The following CDH12 variants were observed in gnomAD, a reference collection of about 807,000 sequenced individuals.
CDH12 encodes the protein cadherin 12.
A neutral mutation model predicts 74.1 loss-of-function variants in CDH12; 41 were observed. That is an observed-to-expected ratio of 0.55 (90% CI 0.43 to 0.72). The LOEUF (loss-of-function observed/expected upper bound fraction) is 0.72. CDH12 is among the 30% of genes least tolerant of loss of function. The pLI is 0.00. For missense variants in CDH12, 945 were observed against 977.2 expected (o/e 0.97, Z 0.44); for synonymous variants, 399 against 355.0 (o/e 1.12, Z -1.39).
chr5:22,536,051 C>T (rs1737829002), intron 1 of CDH12, among the ~76,000 whole-genome samples: 1 of 152,096 alleles, frequency 6.6e-6, no homozygotes, highest in African/African-American at 2.4e-5. Flanking sequence ...AGGTTATATG[C>T]AAAAACAATG....
At chr5:22,032,079 T>A (rs1738856983) in intron 5 of CDH12, among the ~76,000 whole-genome samples, 1 of 151,848 alleles carries the variant, frequency 6.6e-6, no homozygotes, top group Admixed American at 6.6e-5. Context: ...TAAAAGGATG[T>A]ATGACAATAT....
chr5:22,625,890 G>A (rs767146606), intron 1 of CDH12, among the ~76,000 whole-genome samples: 6 of 151,888 alleles, frequency 4.0e-5, no homozygotes, highest in Non-Finnish European at 7.4e-5. Context: ...TTGCCTTGCC[G>A]GCACACACTT....
chr5:21,853,621 AT>A (rs1210144838), intron 7 of CDH12, among the ~76,000 whole-genome samples: 1 of 151,666 alleles, frequency 6.6e-6, no homozygotes, highest in African/African-American at 2.4e-5. Flanking sequence ...TTAATACATA[AT>A]TAATTGTTAA....
intron 2 of CDH12, among the ~76,000 whole-genome samples, chr5:22,499,778 G>C (rs1172772256): frequency 6.6e-6 from 1 of 152,134 alleles, no homozygotes; most frequent in East Asian, 1.9e-4. Context: ...ATAAGGCAGT[G>C]TGACTTTCTC....
chr5:22,194,481 G>A (rs1204428511), intron 4 of CDH12, among the ~76,000 whole-genome samples: 5 of 151,532 alleles, frequency 3.3e-5, no homozygotes, highest in Non-Finnish European at 5.9e-5. Flanking sequence ...ACAAGCGTCC[G>A]CCCCCATGCC....
intron 2 of CDH12, among the ~76,000 whole-genome samples, chr5:22,414,143 A>C (rs1743283958): frequency 6.6e-6 from 1 of 152,018 alleles, no homozygotes; most frequent in Non-Finnish European, 1.5e-5. Flanking sequence ...TTCCATAGGC[A>C]AGAATACCTA....
At chr5:22,114,498 A>T (rs1208170396) in intron 4 of CDH12, among the ~76,000 whole-genome samples, 1 of 152,188 alleles carries the variant, frequency 6.6e-6, no homozygotes, top group Non-Finnish European at 1.5e-5. Flanking sequence ...GAAAATGAGT[A>T]TAAAGGGGAT....
At chr5:22,668,815 A>G (rs987054645) in intron 1 of CDH12, among the ~76,000 whole-genome samples, 3 of 152,026 alleles carry the variant, frequency 2.0e-5, no homozygotes, top group Admixed American at 6.6e-5. Context: ...GTCTTTTTCT[A>G]TTGGTCATCT....
At chr5:21,860,137 T>G (rs1222743386) in intron 6 of CDH12, among the ~76,000 whole-genome samples, 1 of 152,058 alleles carries the variant, frequency 6.6e-6, no homozygotes, top group African/African-American at 2.4e-5. Flanking sequence ...AAATGAGTAC[T>G]GTAATTGTCA....
intron 1 of CDH12, among the ~76,000 whole-genome samples, chr5:22,545,762 TTTTA>T (rs1441709855): frequency 4.6e-5 from 7 of 152,214 alleles, no homozygotes; most frequent in Admixed American, 3.3e-4. Flanking sequence ...TATTTTTCTC[TTTTA>T]TTTGACACCT....
intron 1 of CDH12, among the ~76,000 whole-genome samples, chr5:22,742,817 T>A (rs1051391474): frequency 2.6e-5 from 4 of 151,736 alleles, no homozygotes; most frequent in Non-Finnish European, 5.9e-5. Context: ...CATTCCACTA[T>A]GTGGTGGTTA....
At position 22,468,568 on chromosome 5, in the gene CDH12, C is replaced by A. The variant is rs546789207; in HGVS notation, c.-428+36702G>T. ...CTTCTTGAGAATAGCATTTATTTGACTTTTATAAAAACATTGTATACTAAG... is the reference window on the plus strand; with the variant it reads ...CTTCTTGAGAATAGCATTTATTTGAATTTTATAAAAACATTGTATACTAAG... On this transcript the variant is annotated intron_variant, in intron 2 of 14. Transcript: ENST00000382254. Among the ~76,000 whole-genome samples the A allele has an allele frequency of 2.6e-5, 4 of 152,134 alleles. No homozygotes were observed. The East Asian group carries it at 7.7e-4, about 29-fold the overall frequency.
chr5:22,051,452 T>TATAAATG (rs1173849031), intron 5 of CDH12, among the ~76,000 whole-genome samples: 1 of 152,172 alleles, frequency 6.6e-6, no homozygotes, highest in Non-Finnish European at 1.5e-5. Context: ...ATTGGGTAGA[T>TATAAATG]ATAAATGATT....
intron 4 of CDH12, among the ~76,000 whole-genome samples, chr5:22,110,787 T>G (rs529080832): frequency 1.3e-5 from 2 of 152,182 alleles, no homozygotes; most frequent in African/African-American, 4.8e-5. Flanking sequence ...CAGGCTCCTC[T>G]ATCCTCCTAG....
At chr5:22,792,347 C>T (rs897307698) in intron 1 of CDH12, among the ~76,000 whole-genome samples, 15 of 152,102 alleles carry the variant, frequency 9.9e-5, no homozygotes, top group African/African-American at 3.6e-4. Context: ...CGTCGGCCTC[C>T]CAAAGTGCTG....
At chr5:21,810,329 A>G (rs1319306917) in intron 9 of CDH12, among the ~76,000 whole-genome samples, 1 of 152,134 alleles carries the variant, frequency 6.6e-6, no homozygotes, top group Non-Finnish European at 1.5e-5. Context: ...GGCAAAAAGG[A>G]GTCAGGAAGA....
At chr5:22,430,143 T>C (rs1160810308) in intron 2 of CDH12, among the ~76,000 whole-genome samples, 1 of 152,178 alleles carries the variant, frequency 6.6e-6, no homozygotes, top group Admixed American at 6.6e-5. Flanking sequence ...GGAGTGATTT[T>C]CTGCTAAATC....
At chr5:22,367,449 TA>T (rs1741082906) in intron 3 of CDH12, among the ~76,000 whole-genome samples, 1 of 152,224 alleles carries the variant, frequency 6.6e-6, no homozygotes, top group South Asian at 2.1e-4. Flanking sequence ...ACAAACATTT[TA>T]TAAAATATAT....
chr5:22,226,082 T>C (rs1164927621), intron 3 of CDH12, among the ~76,000 whole-genome samples: 1 of 151,910 alleles, frequency 6.6e-6, no homozygotes, highest in African/African-American at 2.4e-5. Flanking sequence ...TCCCTTTTCT[T>C]TTTTTTAACA....
Sources: gnomAD v4.1 joint callset for allele counts (sites outside exome capture counted in the v4.1 genomes callset) on GRCh38, gnomAD v4.1.1 for gene constraint, MANE v1.5 for transcripts, NCBI Gene and HGNC (gene_info 2026-07-23, HGNC 2026-07-21) for gene names.